Variants in UNC13C observed in about 807,000 individuals in gnomAD.
The protein encoded by UNC13C is protein unc-13 homolog C.
Under a neutral mutation model 245.4 loss-of-function variants are expected in UNC13C, and 174 were observed. The observed-to-expected ratio is 0.71, with a 90% CI of 0.63 to 0.80. UNC13C has a LOEUF of 0.80. UNC13C is among the 30% of genes least tolerant of loss of function. The pLI is 0.00. For missense variants in UNC13C, 2,829 were observed against 2,602.9 expected, an observed-to-expected ratio of 1.09 and a Z score of -1.89; for synonymous variants, 992 against 895.1, an observed-to-expected ratio of 1.11 and a Z score of -1.93.
At chr15:54,333,391 A>G (rs1416086251) in intron 15 of UNC13C, among the ~76,000 whole-genome samples, 1 of 152,032 alleles carries the variant, frequency 6.6e-6, no homozygotes, top group African/African-American at 2.4e-5. Context: ...AGTATTTTTT[A>G]AAAAGTAGTT....
intron 7 of UNC13C, among the ~76,000 whole-genome samples, chr15:54,244,706 G>T (rs74916365): frequency 6.6e-6 from 1 of 151,846 alleles, no homozygotes; most frequent in Non-Finnish European, 1.5e-5. Context: ...TAGTTGTATC[G>T]CTAGGTATTT....
chr15:54,061,941 G>C (rs142880275), intron 2 of UNC13C, among the ~76,000 whole-genome samples: 1 of 152,280 alleles, frequency 6.6e-6, no homozygotes, highest in African/African-American at 2.4e-5. Flanking sequence ...TGGGCAGCCC[G>C]TATCAATCAT....
chr15:54,439,535 T>C (rs1890400961), intron 19 of UNC13C, among the ~76,000 whole-genome samples: 1 of 152,018 alleles, frequency 6.6e-6, no homozygotes, highest in Non-Finnish European at 1.5e-5. Flanking sequence ...TCCTATTCTC[T>C]AGTCCTACAT....
chr15:54,174,663 A>C (rs1159797213), intron 4 of UNC13C, among the ~76,000 whole-genome samples: 1 of 152,230 alleles, frequency 6.6e-6, no homozygotes, highest in Non-Finnish European at 1.5e-5. Flanking sequence ...ATTGTTAAAC[A>C]AGCAAAGCAA....
intron 2 of UNC13C, among the ~76,000 whole-genome samples, chr15:54,101,405 C>A (rs1217265873): frequency 6.6e-6 from 1 of 152,086 alleles, no homozygotes; most frequent in Non-Finnish European, 1.5e-5. Context: ...AGTTCCTATT[C>A]CTTTCTCCAT....
At chr15:54,548,766 C>G (rs780424215) in intron 27 of UNC13C, among the ~76,000 whole-genome samples, 13 of 152,086 alleles carry the variant, frequency 8.5e-5, no homozygotes, top group Non-Finnish European at 1.6e-4. Context: ...TTACCATCAC[C>G]TAAAATTTCT....
the UNC13C span, among the ~76,000 whole-genome samples, chr15:53,852,637 C>A: frequency 6.6e-6 from 1 of 152,190 alleles, no homozygotes; most frequent in Non-Finnish European, 1.5e-5. Context: ...TTGCCCCATG[C>A]TGCTGTCTGG....
intron 2 of UNC13C, among the ~76,000 whole-genome samples, chr15:54,106,260 A>C (rs1013527846): frequency 1.3e-5 from 2 of 152,244 alleles, no homozygotes; most frequent in African/African-American, 4.8e-5. Context: ...ATGTAGAACC[A>C]GCTCTGAAGC....
At chr15:54,124,183 A>T (rs1166840837) in intron 2 of UNC13C, among the ~76,000 whole-genome samples, 1 of 152,196 alleles carries the variant, frequency 6.6e-6, no homozygotes, top group Non-Finnish European at 1.5e-5. Context: ...TTGTGTAGAC[A>T]TATTTTCATT....
In UNC13C at chr15:54,300,339, C is replaced by G; in HGVS notation, c.4234C>G (p.Arg1412Gly). 1 of 1,581,416 alleles carries G rather than the reference C, an allele frequency of 6.3e-7. No homozygotes were observed. The highest frequency in any genetic ancestry group is 1.2e-5 in the South Asian group (1 of 86,560). The stretch of plus-strand genomic sequence containing the variant: ...AGAAATAGTTGATGAATTTGCTATG[C>G]GTTATGGAATTGAATCCATTTATCA... ...SQEIVDEFAM[R>G]YGIESIYQAM... The change falls in exon 13 of 33, where the codon CGT (arginine) becomes GGT (glycine). Residue 1412 changes from arginine (R) to glycine (G), a missense_variant. Physicochemically the swap from Arg to Gly is moderately radical, Grantham distance 125. Coordinates refer to ENST00000260323, the MANE Select transcript of UNC13C (RefSeq NM_001080534.3).
intron 17 of UNC13C, among the ~76,000 whole-genome samples, chr15:54,343,174 C>G (rs1268753768): frequency 6.6e-6 from 1 of 150,906 alleles, no homozygotes; most frequent in East Asian, 2.0e-4. Context: ...TGCTCTGTCA[C>G]CCAGACTGGA....
chr15:53,953,034 A>C, the UNC13C span, among the ~76,000 whole-genome samples: 1 of 152,194 alleles, frequency 6.6e-6, no homozygotes, highest in Non-Finnish European at 1.5e-5. Flanking sequence ...CTGAAGTGAA[A>C]TAGATATGAA....
chr15:54,270,993 C>G (rs886544309), intron 10 of UNC13C, among the ~76,000 whole-genome samples: 11 of 152,016 alleles, frequency 7.2e-5, no homozygotes, highest in African/African-American at 2.7e-4. Context: ...TGGGATTTGG[C>G]CTTAATTATC....
intron 27 of UNC13C, among the ~76,000 whole-genome samples, chr15:54,548,522 A>G (rs1896594419): frequency 1.3e-5 from 2 of 152,026 alleles, no homozygotes; most frequent in African/African-American, 2.4e-5. Flanking sequence ...CCAAAGTAGC[A>G]GTTATGGTTT....
chr15:54,388,800 A>G (rs563977019), intron 17 of UNC13C, among the ~76,000 whole-genome samples: 76 of 152,214 alleles, frequency 5.0e-4, no homozygotes, highest in African/African-American at 1.6e-3. Flanking sequence ...AATTTATTCC[A>G]TAATTTCGGC....
In UNC13C at chr15:54,059,150, T is replaced by C. The variant is rs142785182; in HGVS notation, c.2983+43264T>C. On this transcript the variant is annotated intron_variant, in intron 2 of 32. Coordinates refer to ENST00000260323, the MANE Select transcript of UNC13C (RefSeq NM_001080534.3). ...GGAGAAAGAAATAAAGGGTGTTCAA[T>C]TGGGAAAAGAAGAAGTCAAATTGTC... Among the ~76,000 whole-genome samples, 112 of 152,190 alleles carry C rather than the reference T, an allele frequency of 7.4e-4. 1 individual carries two copies. The highest frequency in any genetic ancestry group is 2.3e-3 in the African/African-American group (95 of 41,526).
At chr15:53,916,573 T>G in the UNC13C span, among the ~76,000 whole-genome samples, 1 of 152,200 alleles carries the variant, frequency 6.6e-6, no homozygotes, top group Non-Finnish European at 1.5e-5. Context: ...GAAGTAGAGC[T>G]GCTTGCATCG....
intron 2 of UNC13C, among the ~76,000 whole-genome samples, chr15:54,016,492 T>A (rs935221405): frequency 6.6e-6 from 1 of 152,172 alleles, no homozygotes; most frequent in African/African-American, 2.4e-5. Context: ...AGGTCATGTC[T>A]GAGTGGTCAC....
chr15:54,388,574 TA>T (rs1309164851), intron 17 of UNC13C, among the ~76,000 whole-genome samples: 1 of 152,202 alleles, frequency 6.6e-6, no homozygotes, highest in Non-Finnish European at 1.5e-5. Context: ...ATCTGCAAGA[TA>T]TTTTTATTAT....
Sources: gnomAD v4.1 joint callset for allele counts (sites outside exome capture counted in the v4.1 genomes callset) on GRCh38, gnomAD v4.1.1 for gene constraint, MANE v1.5 for transcripts, NCBI Gene and HGNC (gene_info 2026-07-23, HGNC 2026-07-21) for gene names.